Variants in SUMF1 observed in about 807,000 individuals in gnomAD.
SUMF1 encodes sulfatase modifying factor 1.
Under a neutral mutation model 47.6 loss-of-function variants are expected in SUMF1, and 48 were observed. The observed-to-expected ratio is 1.01, with a 90% CI of 0.80 to 1.28. The LOEUF (loss-of-function observed/expected upper bound fraction) is 1.28, where lower values mean the gene tolerates loss of function less well. Ranked by LOEUF, SUMF1 falls within the 50% of genes most tolerant of loss-of-function variation. The pLI, the probability that SUMF1 is intolerant of heterozygous loss-of-function variation, is 0.00. For missense variants in SUMF1, 571 were observed against 485.4 expected (o/e 1.18, Z -1.66); for synonymous variants, 230 against 192.1 (o/e 1.20, Z -1.63).
rs143592080 is a variant in SUMF1 at position 4,251,859 on chromosome 3, T to C, written c.1014+124471A>G. Among the ~76,000 whole-genome samples the C allele has an allele frequency of 2.4e-3, 363 of 152,362 alleles. 3 individuals carry two copies. The highest frequency in any genetic ancestry group is 8.1e-3 in the African/African-American group (338 of 41,578). On this transcript the variant is annotated intron_variant and NMD_transcript_variant, in intron 8 of 12. Transcript: ENST00000448413. ...GAAGGCTCAGTTAATTATTAGAATT[T>C]TTTTTAGCAATGAAGTATTTTAGTA...
chr3:4,406,692 G>A (rs943002422), intron 7 of SUMF1, among the ~76,000 whole-genome samples: 1 of 151,960 alleles, frequency 6.6e-6, no homozygotes, highest in African/African-American at 2.4e-5. Context: ...AACAAAAGGA[G>A]AGTTCTTTCT....
chr3:4,079,239 C>T (rs971830156), intron 8 of SUMF1, among the ~76,000 whole-genome samples: 2 of 152,072 alleles, frequency 1.3e-5, no homozygotes, highest in African/African-American at 4.8e-5. Context: ...TTAGCTAACA[C>T]CTCGCTTCAA....
At chr3:4,183,890 A>G (rs1695145817) in intron 8 of SUMF1, among the ~76,000 whole-genome samples, 1 of 152,132 alleles carries the variant, frequency 6.6e-6, no homozygotes, top group Non-Finnish European at 1.5e-5. Flanking sequence ...AAAAATGGCA[A>G]TTAGGGAGGT....
At chr3:4,091,671 A>G (rs1177620061) in intron 8 of SUMF1, among the ~76,000 whole-genome samples, 2 of 152,152 alleles carry the variant, frequency 1.3e-5, no homozygotes, top group Non-Finnish European at 2.9e-5. Flanking sequence ...AGCATGTACT[A>G]GAATCAAAAG....
chr3:4,118,292 A>G lies in SUMF1; in HGVS notation c.1015-49547T>C, dbSNP rs145157761. Among the ~76,000 whole-genome samples the G allele has an allele frequency of 3.7e-4, 56 of 152,188 alleles. 1 individual carries two copies. Among genetic ancestry groups the G allele is most frequent in the Middle Eastern group, 3.4e-3 (1 of 294 alleles). ...CATGAAAAAGAAACAGAGAACAAAA[A>G]AGAGTCATGAAGATGTAAGTGTCAT... On this transcript the variant is annotated intron_variant and NMD_transcript_variant, in intron 8 of 12. Coordinates refer to the SUMF1 transcript ENST00000448413.
chr3:4,370,927 A>G (rs186770231), intron 8 of SUMF1, among the ~76,000 whole-genome samples: 5 of 152,304 alleles, frequency 3.3e-5, no homozygotes, highest in Admixed American at 1.3e-4. Flanking sequence ...GAGACTGTCC[A>G]TTAACCAAAA....
intron 8 of SUMF1, among the ~76,000 whole-genome samples, chr3:4,350,334 T>C (rs532293905): frequency 2.8e-5 from 4 of 144,388 alleles, no homozygotes; most frequent in Non-Finnish European, 4.6e-5. Context: ...TGTATATGCG[T>C]GTGTGTGTGT....
In SUMF1 at chr3:4,317,422, A is replaced by C. The variant is rs1698708966; in HGVS notation, c.1014+58908T>G. On this transcript the variant is annotated intron_variant and NMD_transcript_variant, in intron 8 of 12. Transcript: ENST00000448413. The stretch of plus-strand genomic sequence containing the variant: ...ATGTGGCCTGGCATGGTGGCTTACA[A>C]CTGTAATCCCAGCACTTTGGGAGGC... 23 of 573,062 alleles carry C rather than the reference A, an allele frequency of 4.0e-5. No homozygotes were observed. The South Asian group carries it at 4.9e-4, about 12-fold the overall frequency. The allele number at this position is 573,062 out of a possible 1,614,324, so 35.5% of individuals were successfully genotyped here. A position where few individuals can be genotyped will look rare whatever the true frequency, so the allele number is the denominator to read the frequency against.
chr3:4,226,776 C>T (rs1458949641), intron 8 of SUMF1, among the ~76,000 whole-genome samples: 1 of 152,012 alleles, frequency 6.6e-6, no homozygotes, highest in Non-Finnish European at 1.5e-5. Context: ...TTATGCTCTA[C>T]TGCCTCACTT....
intron 8 of SUMF1, among the ~76,000 whole-genome samples, chr3:4,243,100 A>G (rs989348527): frequency 6.6e-5 from 10 of 151,992 alleles, no homozygotes; most frequent in Non-Finnish European, 1.3e-4. Flanking sequence ...TGTGGGATTG[A>G]TGGTGATATG....
chr3:4,236,919 C>G (rs1044211810), intron 8 of SUMF1, among the ~76,000 whole-genome samples: 4 of 151,958 alleles, frequency 2.6e-5, no homozygotes, highest in African/African-American at 4.8e-5. Flanking sequence ...CCACTGACCC[C>G]TGTCAGTCAC....
intron 8 of SUMF1, among the ~76,000 whole-genome samples, chr3:4,286,264 A>T (rs985363028): frequency 6.6e-6 from 1 of 152,116 alleles, no homozygotes; most frequent in Admixed American, 6.6e-5. Flanking sequence ...TAAAAATACT[A>T]TAAAGTTAGG....
chr3:4,141,264 T>C (rs955813933), intron 8 of SUMF1, among the ~76,000 whole-genome samples: 1 of 152,138 alleles, frequency 6.6e-6, no homozygotes, highest in African/African-American at 2.4e-5. Context: ...GAGGTAATCA[T>C]CAATAAGCAC....
intron 8 of SUMF1, chr3:4,312,856 AT>A: frequency 9.7e-6 from 15 of 1,547,836 alleles, no homozygotes; most frequent in Non-Finnish European, 1.2e-5. Context: ...TAGGAAATAT[AT>A]GACATGCCGT....
chr3:4,342,168 C>T (rs953706937), intron 8 of SUMF1, among the ~76,000 whole-genome samples: 2 of 152,210 alleles, frequency 1.3e-5, no homozygotes, highest in African/African-American at 4.8e-5. Flanking sequence ...ATTTATTAAG[C>T]ACTTACTACA....
chr3:4,269,312 TC>T (rs1033771337), intron 8 of SUMF1, among the ~76,000 whole-genome samples: 33 of 151,680 alleles, frequency 2.2e-4, no homozygotes, highest in Admixed American at 7.2e-4. Flanking sequence ...CCCTCCCCAC[TC>T]CCCCCATCCC....
intron 8 of SUMF1, among the ~76,000 whole-genome samples, chr3:4,367,172 AG>A (rs1290189913): frequency 6.6e-6 from 1 of 152,164 alleles, no homozygotes; most frequent in Non-Finnish European, 1.5e-5. Flanking sequence ...GTCAGGGGTC[AG>A]GGACCCACTT....
At chr3:4,112,796 G>A (rs1333087767) in intron 8 of SUMF1, among the ~76,000 whole-genome samples, 3 of 152,156 alleles carry the variant, frequency 2.0e-5, no homozygotes, top group Non-Finnish European at 4.4e-5. Context: ...ATCCAACAGA[G>A]TGAGAACAAG....
chr3:4,386,702 G>C (rs1170573759), intron 7 of SUMF1, among the ~76,000 whole-genome samples: 2 of 151,872 alleles, frequency 1.3e-5, no homozygotes, highest in African/African-American at 4.8e-5. Flanking sequence ...GAAAGCACTT[G>C]GTCTTTTACC....
Sources: gnomAD v4.1 joint callset for allele counts (sites outside exome capture counted in the v4.1 genomes callset) on GRCh38, gnomAD v4.1.1 for gene constraint, MANE v1.5 for transcripts, NCBI Gene and HGNC (gene_info 2026-07-23, HGNC 2026-07-21) for gene names.